The following KLHL24 variants were observed in gnomAD, a reference collection of about 807,000 sequenced individuals.
KLHL24 encodes the protein kelch like family member 24, also known as kelch-like protein 24.
Under a neutral mutation model 53.4 loss-of-function variants are expected in KLHL24, and 29 were observed. The observed-to-expected ratio is 0.54, with a 90% CI of 0.40 to 0.74. The LOEUF is 0.74. Among genes scored for constraint, KLHL24 ranks in the 30% least tolerant of loss-of-function variants. The pLI is 0.00. For missense variants in KLHL24, 504 were observed against 744.0 expected (o/e 0.68, Z 3.75); for synonymous variants, 222 against 253.7 (o/e 0.88, Z 1.19).
At chr3:183,638,232 TAA>T (rs1715685422) in intron 1 of KLHL24, among the ~76,000 whole-genome samples, 1 of 152,230 alleles carries the variant, frequency 6.6e-6, no homozygotes, top group Admixed American at 6.5e-5. Context: ...GCCAGCAACC[TAA>T]GTCTCTAAAC....
intron 3 of KLHL24, among the ~76,000 whole-genome samples, chr3:183,657,729 T>G (rs1360648770): frequency 6.6e-6 from 1 of 152,224 alleles, no homozygotes; most frequent in African/African-American, 2.4e-5. Context: ...TATTATAGGA[T>G]GAGTAGCCTA....
At chr3:183,661,592 A>G (rs1719804516) in intron 3 of KLHL24, among the ~76,000 whole-genome samples, 2 of 152,246 alleles carry the variant, frequency 1.3e-5, no homozygotes, top group African/African-American at 4.8e-5. Context: ...CACACATTCT[A>G]GCAGACATTG....
intron 1 of KLHL24, chr3:183,643,121 T>C (rs992319130): frequency 2.6e-5 from 4 of 152,388 alleles, no homozygotes; most frequent in Non-Finnish European, 5.9e-5. Flanking sequence ...TCCCAACTAC[T>C]AGGGAGGCTG....
chr3:183,676,949 C>T (rs1379450177), intron 7 of KLHL24, among the ~76,000 whole-genome samples: 3 of 143,964 alleles, frequency 2.1e-5, no homozygotes, highest in Admixed American at 7.0e-5. Context: ...GATCATGTTT[C>T]GTTTCAGTCT....
At chr3:183,660,237 A>G (rs1719539082) in intron 3 of KLHL24, among the ~76,000 whole-genome samples, 1 of 147,422 alleles carries the variant, frequency 6.8e-6, no homozygotes, top group Admixed American at 6.9e-5. Context: ...GGCTCAAGGG[A>G]TTTTCCCACC....
chr3:183,674,296 T>TTTCTTTCC (rs1222542955), intron 7 of KLHL24, among the ~76,000 whole-genome samples: 2 of 149,386 alleles, frequency 1.3e-5, no homozygotes, highest in African/African-American at 5.0e-5. Context: ...TCTTTCTTTC[T>TTTCTTTCC]TTCTTTCCTT....
intron 3 of KLHL24, among the ~76,000 whole-genome samples, chr3:183,654,331 C>T (rs963250346): frequency 6.6e-6 from 1 of 152,072 alleles, no homozygotes; most frequent in East Asian, 1.9e-4. Context: ...CTTTGTCTTC[C>T]CTTATGTACT....
intron 2 of KLHL24, among the ~76,000 whole-genome samples, chr3:183,644,701 T>G (rs901417373): frequency 6.6e-5 from 10 of 152,224 alleles, no homozygotes; most frequent in Non-Finnish European, 1.2e-4. Context: ...GACAGACCCT[T>G]AATTGATACA....
At chr3:183,654,837 C>T (rs1302663330) in intron 3 of KLHL24, among the ~76,000 whole-genome samples, 1 of 152,104 alleles carries the variant, frequency 6.6e-6, no homozygotes, top group African/African-American at 2.4e-5. Context: ...AGCTGTGTTT[C>T]CTGGAAACTG....
Position 183,650,059 on chromosome 3 carries a change from G to A in KLHL24, c.-61-237G>A, listed in dbSNP as rs1717913920. ...TTATTAGTAACTCACGAAGTACATA[G>A]TATCCTTTCAGCTAGAAAAGGGGAG... On this transcript the variant is annotated intron_variant, in intron 2 of 7. Coordinates refer to ENST00000242810, the MANE Select transcript of KLHL24 (RefSeq NM_017644.3). This position sits in a 1 kb window ranked among gnomAD's most constrained non-coding sequence, Gnocchi z 4.5. Among the ~76,000 whole-genome samples, 1 of 152,152 alleles carries A rather than the reference G, an allele frequency of 6.6e-6. No homozygotes were observed. The highest frequency in any genetic ancestry group is 6.6e-5 in the Admixed American group (1 of 15,250).
At position 183,648,286 on chromosome 3, in the gene KLHL24, G is replaced by T. The variant is rs1431214482; in HGVS notation, c.-61-2010G>T. On this transcript the variant is annotated intron_variant, in intron 2 of 7. Coordinates refer to ENST00000242810, the MANE Select transcript of KLHL24 (RefSeq NM_017644.3). ...AAAAAGAAGAGAATACTATATATAAGAGAATGAGTTGCTTCTTGATTTTGA... is the reference window on the plus strand; with the variant it reads ...AAAAAGAAGAGAATACTATATATAATAGAATGAGTTGCTTCTTGATTTTGA... 3.3e-5 allele frequency among the ~76,000 whole-genome samples: 5 copies of T among 152,232 alleles called. No individual in the cohort carries two copies. The East Asian group carries it at 9.6e-4, about 29-fold the overall frequency.
chr3:183,639,641 A>C (rs1168740868), intron 1 of KLHL24, among the ~76,000 whole-genome samples: 1 of 147,854 alleles, frequency 6.8e-6, no homozygotes, highest in African/African-American at 2.6e-5. Context: ...AAAAAAAAAA[A>C]AAAAAAAAAA....
In KLHL24 at chr3:183,671,138, C is replaced by G; in HGVS notation, c.1329C>G (p.Ala443=). 1.2e-6 allele frequency: 2 copies of G among 1,613,826 alleles called. No individual in the cohort carries two copies. Among genetic ancestry groups the G allele is most frequent in the Non-Finnish European group, 1.7e-6 (2 of 1,179,920 alleles). Reference sequence around the variant, plus strand: ...CTGAAGTTGCTCCCCTTAAGGAAGCCGTGAGTTCTCCTGCAGTGACTAGCT... The same window carrying G: ...CTGAAGTTGCTCCCCTTAAGGAAGCGGTGAGTTCTCCTGCAGTGACTAGCT... The part of the protein sequence containing the change: ...RWTEVAPLKE[A]VSSPAVTSCV... The change falls in exon 6 of 8, where the codon GCC becomes GCG. Residue 443 remains alanine (A), a synonymous_variant. Transcript: ENST00000242810.
chr3:183,654,203 T>C (rs1239434357), intron 3 of KLHL24, among the ~76,000 whole-genome samples: 1 of 152,210 alleles, frequency 6.6e-6, no homozygotes, highest in East Asian at 1.9e-4. Context: ...AATACCTCCA[T>C]TGGCTTCTGG....
chr3:183,647,777 G>A (rs1164561088), intron 2 of KLHL24, among the ~76,000 whole-genome samples: 1 of 152,228 alleles, frequency 6.6e-6, no homozygotes, highest in East Asian at 1.9e-4. Context: ...GCCAAGGCAG[G>A]AGAATTGCTT....
At chr3:183,654,335 A>G (rs951268566) in intron 3 of KLHL24, among the ~76,000 whole-genome samples, 5 of 152,030 alleles carry the variant, frequency 3.3e-5, no homozygotes, top group Non-Finnish European at 7.4e-5. Context: ...GTCTTCCCTT[A>G]TGTACTTGCC....
intron 3 of KLHL24, among the ~76,000 whole-genome samples, chr3:183,662,978 T>A (rs1292820874): frequency 6.6e-6 from 1 of 152,206 alleles, no homozygotes; most frequent in Admixed American, 6.5e-5. Flanking sequence ...TCTGAACAAG[T>A]ACATATACAT....
chr3:183,650,041 T>C lies in KLHL24; in HGVS notation c.-61-255T>C, dbSNP rs1717909811. Among the ~76,000 whole-genome samples the C allele has an allele frequency of 6.6e-6, 1 of 152,208 alleles. No homozygotes were observed. Among genetic ancestry groups the C allele is most frequent in the Non-Finnish European group, 1.5e-5 (1 of 68,038 alleles). ...TGGGGAGGAAACGGAAGGTTATTAG[T>C]AACTCACGAAGTACATAGTATCCTT... On this transcript the variant is annotated intron_variant, in intron 2 of 7. Transcript: ENST00000242810. The surrounding 1 kb of genome is among the most constrained non-coding windows in gnomAD (Gnocchi z 4.5).
chr3:183,637,193 G>C (rs553323302), intron 1 of KLHL24, among the ~76,000 whole-genome samples: 1 of 152,140 alleles, frequency 6.6e-6, no homozygotes, highest in African/African-American at 2.4e-5. Context: ...CAAAAATCAC[G>C]TCTTTGTATT....
Sources: allele counts gnomAD v4.1 joint callset (sites outside exome capture counted in the v4.1 genomes callset), GRCh38; gene constraint gnomAD v4.1.1; non-coding constraint Gnocchi (gnomAD v3.1); transcripts MANE v1.5; gene names NCBI Gene and HGNC (gene_info 2026-07-23, HGNC 2026-07-21).